Variants in SYNPO2L observed in about 807,000 individuals in gnomAD.
The protein encoded by SYNPO2L is synaptopodin 2-like protein.
A neutral mutation model predicts 47.5 loss-of-function variants in SYNPO2L; 34 were observed. The ratio of observed to expected loss-of-function variants is 0.72; its 90% CI spans 0.54 to 0.95. The LOEUF is 0.95. Among genes scored for constraint, SYNPO2L ranks in the 40% least tolerant of loss-of-function variants. The probability of loss-of-function intolerance (pLI) is 0.00; values close to 1 mark genes in which losing one functional copy is unlikely to be tolerated. For missense variants in SYNPO2L, 1,246 were observed against 1,282.0 expected (o/e 0.97, Z 0.43); for synonymous variants, 536 against 524.9 (o/e 1.02, Z -0.29).
At position 73,648,231 on chromosome 10, in the gene SYNPO2L, C is replaced by A; in HGVS notation, c.1421G>T (p.Gly474Val). 6.3e-7 allele frequency: 1 copy of A among 1,586,174 alleles called. No individual in the cohort carries two copies. Among genetic ancestry groups the A allele is most frequent in the Non-Finnish European group, 8.6e-7 (1 of 1,168,960 alleles). Residue 474 changes from glycine to valine, a missense_variant, in exon 4 of 4, where the codon GGC (glycine) becomes GTC (valine). By Grantham distance (109) the Gly-to-Val change is moderately radical. Around this residue, in one of 3 missense-constraint regions of SYNPO2L, gnomAD observed 1,037 missense variants for 1,021.5 expected, o/e 1.02. Transcript: ENST00000394810. ...GGTAGTTGGCCGCTGCCCTTGTAGG[C>A]CCGGGGTAAAGGGCCTGGCTGACCG... ...FNRSARPFTPGLQGQRPTTTS... is the reference protein window; with the variant it reads ...FNRSARPFTPVLQGQRPTTTS...
chr10:73,651,016 A>G (rs1191948536), intron 3 of SYNPO2L: 1 of 1,611,944 alleles, frequency 6.2e-7, no homozygotes, highest in Non-Finnish European at 8.5e-7. Flanking sequence ...ATGCTGAGAA[A>G]GGCGGTGTTG....
At chr10:73,654,089 G>A (rs760994480) in intron 2 of SYNPO2L, 40 bp downstream of exon 2, 29 of 1,541,730 alleles carry the variant, frequency 1.9e-5, no homozygotes, top group Non-Finnish European at 2.1e-5. Flanking sequence ...GGCAATGGGA[G>A]CCCTGGATTA....
intron 3 of SYNPO2L, chr10:73,649,652 C>T: frequency 2.2e-6 from 2 of 914,890 alleles, no homozygotes; most frequent in Non-Finnish European, 2.6e-6. Context: ...AACACCATCA[C>T]TCAAATACAT....
At chr10:73,653,993 C>T in intron 2 of SYNPO2L, 136 bp downstream of exon 2, 3 of 1,172,502 alleles carry the variant, frequency 2.6e-6, no homozygotes, top group Non-Finnish European at 3.6e-6. Context: ...AGACACAAAC[C>T]ATCTGCACTC....
In SYNPO2L at chr10:73,648,169, C is replaced by T. The variant is rs200938828; in HGVS notation, c.1483G>A (p.Ala495Thr). 16 of 1,556,582 alleles carry T rather than the reference C, an allele frequency of 1.0e-5. No individual in the cohort carries two copies. In the African/African-American group the frequency reaches 1.5e-4, roughly 14 times the overall value. ...CTGAGGCCCCCCAGGCTGTCGTTCGCCCTTTTGGGGGCTAAAGGCCGGAAA... is the reference window on the plus strand; with the variant it reads ...CTGAGGCCCCCCAGGCTGTCGTTCGTCCTTTTGGGGGCTAAAGGCCGGAAA... The part of the protein sequence containing the change: ...VIFRPLAPKR[A>T]NDSLGGLSPA... The change falls in exon 4 of 4, where the codon GCG (alanine) becomes ACG (threonine). Residue 495 changes from alanine (A) to threonine (T), a missense_variant. Ala to Thr is a moderately conservative substitution (Grantham distance 58). This residue lies in a region of SYNPO2L where 1,037 missense variants were observed against 1,021.5 expected (regional missense o/e 1.02). Coordinates refer to ENST00000394810, the MANE Select transcript of SYNPO2L (RefSeq NM_001114133.3).
At position 73,646,667 on chromosome 10, in the gene SYNPO2L, C is replaced by T. The variant is rs529926811; in HGVS notation, c.*51G>A. 1.4e-6 allele frequency: 2 copies of T among 1,407,388 alleles called. No homozygotes were observed. Among genetic ancestry groups the T allele is most frequent in the East Asian group, 2.5e-5 (1 of 39,874 alleles). 87.2% of individuals were successfully genotyped at this position (1,407,388 alleles called of 1,614,324 possible). ...GGATGGGATAGGGTAGGAGAAGCAA[C>T]TTTAGGAACTGGATGTTCCACCTCT... On this transcript the variant is annotated 3_prime_UTR_variant, in exon 4 of 4. Coordinates refer to ENST00000394810, the MANE Select transcript of SYNPO2L (RefSeq NM_001114133.3).
In SYNPO2L at chr10:73,648,750, C is replaced by G. The variant is rs758555446; in HGVS notation, c.902G>C (p.Arg301Pro). The G allele has an allele frequency of 6.8e-6, 11 of 1,612,162 alleles. No individual in the cohort carries two copies. The highest frequency in any genetic ancestry group is 1.3e-5 in the African/African-American group (1 of 74,904). The change falls in exon 4 of 4, where the codon CGG (arginine) becomes CCG (proline). Residue 301 changes from arginine to proline, a missense_variant. By Grantham distance (103) the Arg-to-Pro change is moderately radical (BLOSUM62 -2). Coordinates refer to ENST00000394810, the MANE Select transcript of SYNPO2L (RefSeq NM_001114133.3). Reference protein sequence around the residue: ...HSKGVLMFKKRRQRAKKYTLV... With the variant: ...HSKGVLMFKKPRQRAKKYTLV... ...GGTGTACTTCTTGGCTCTCTGCCGC[C>G]GTTTCTTAAACATAAGTACCCCTTT...
Position 73,645,721 on chromosome 10 carries a change from C to T in SYNPO2L, c.*997G>A, listed in dbSNP as rs1036193209. On this transcript the variant is annotated 3_prime_UTR_variant, in exon 4 of 4. Transcript: ENST00000394810. ...CTGTACACCTGCTACAGACATTGGT[C>T]TCTAAGGAGTTATTCTCTAGTGAAT... 22 of 985,874 alleles carry T rather than the reference C, an allele frequency of 2.2e-5. No individual in the cohort carries two copies. The African/African-American group carries it at 3.5e-4, about 16-fold the overall frequency. 61.1% of individuals were successfully genotyped at this position (985,874 alleles called of 1,614,324 possible).
At chr10:73,651,052 C>T in intron 3 of SYNPO2L, 2 of 1,567,672 alleles carry the variant, frequency 1.3e-6, no homozygotes, top group African/African-American at 1.4e-5. Context: ...GCTTGAGCCA[C>T]CCCCCACGCC....
rs750341706 is a variant in SYNPO2L at position 73,647,066 on chromosome 10, G to A, written c.2586C>T (p.Phe862=). 5.6e-5 allele frequency: 90 copies of A among 1,613,872 alleles called. No homozygotes were observed. Among genetic ancestry groups the A allele is most frequent in the Non-Finnish European group, 7.5e-5 (88 of 1,180,004 alleles). ...HQPYQLKTAM[F]CFDEVPPTPG... is the part of the protein sequence containing the mutation. ...GAGTCGGGGGAACCTCATCAAAACA[G>A]AACATGGCAGTTTTAAGTTGATAGG... Residue 862 remains phenylalanine, a synonymous_variant, in exon 4 of 4, where the codon TTC becomes TTT. Coordinates refer to ENST00000394810, the MANE Select transcript of SYNPO2L (RefSeq NM_001114133.3).
In SYNPO2L at chr10:73,647,336, A is replaced by T. The variant is rs2081769540; in HGVS notation, c.2316T>A (p.Tyr772Ter). 1 of 1,613,956 alleles carries T rather than the reference A, an allele frequency of 6.2e-7. No homozygotes were observed. The highest frequency in any genetic ancestry group is 1.3e-5 in the African/African-American group (1 of 74,866). ...CAGGACCAGGTGTACCTTCCACCAC[A>T]TACCTGTCCGCACGGCTCTGCCGCT... Reference protein sequence around the residue: ...FAKRQSRADRYVVEGTPGPGL... With the variant: ...FAKRQSRADR The change falls in exon 4 of 4, where the codon TAT becomes TAA. Residue 772 changes from tyrosine (Y) to a stop codon, truncating the protein, a stop_gained. Coordinates refer to ENST00000394810, the MANE Select transcript of SYNPO2L (RefSeq NM_001114133.3). LOFTEE classifies it high-confidence loss of function.
In SYNPO2L at chr10:73,646,154, C is replaced by T. The variant is rs2081745427; in HGVS notation, c.*564G>A. On this transcript the variant is annotated 3_prime_UTR_variant, in exon 4 of 4. Coordinates refer to ENST00000394810, the MANE Select transcript of SYNPO2L (RefSeq NM_001114133.3). ...TTGGGTCTTTATTTTGACCTCCCCT[C>T]TTATTCATGCCTTAGACGGAAGAGC... 2 of 984,540 alleles carry T rather than the reference C, an allele frequency of 2.0e-6. No homozygotes were observed. Among genetic ancestry groups the T allele is most frequent in the Non-Finnish European group, 2.4e-6 (2 of 830,832 alleles). 61.0% of individuals were successfully genotyped at this position (984,540 alleles called of 1,614,324 possible).
Position 73,653,289 on chromosome 10 carries a change from C to T in SYNPO2L, c.622G>A (p.Ala208Thr). Residue 208 changes from alanine to threonine, a missense_variant, in exon 3 of 4, where the codon GCA becomes ACA. This residue lies in a region of SYNPO2L where 1,037 missense variants were observed against 1,021.5 expected (regional missense o/e 1.02). Coordinates refer to ENST00000394810, the MANE Select transcript of SYNPO2L (RefSeq NM_001114133.3). ...TCAGCTGGGGGTGGCTGAAGGGCTG[C>T]CCCATCCTCCCAAGACGGGGAGCTC... ...RVSSPSWEDG[A>T]ALQPPPAEAL... The T allele has an allele frequency of 1.3e-6, 2 of 1,551,056 alleles. No individual in the cohort carries two copies. The highest frequency in any genetic ancestry group is 1.7e-6 in the Non-Finnish European group (2 of 1,146,738).
chr10:73,650,589 T>C (rs1298239956), intron 3 of SYNPO2L: 1 of 720,488 alleles, frequency 1.4e-6, no homozygotes, highest in Non-Finnish European at 1.7e-6. Context: ...TATACTTTCT[T>C]GATATATATG....
Position 73,648,653 on chromosome 10 carries a change from G to A in SYNPO2L, c.999C>T (p.Ser333=), listed in dbSNP as rs370876527. ...EEDGVPPTSE[S]ELDEEAFSDA... ...CAGAGAAGGCTTCTTCGTCCAGCTC[G>A]GACTCACTCGTGGGGGGAACGCCGT... Residue 333 remains serine (S), a synonymous_variant, in exon 4 of 4, where the codon TCC becomes TCT. Transcript: ENST00000394810. 13 of 1,612,362 alleles carry A rather than the reference G, an allele frequency of 8.1e-6. No individual in the cohort carries two copies. Among genetic ancestry groups the A allele is most frequent in the Admixed American group, 1.7e-5 (1 of 59,974 alleles).
intron 3 of SYNPO2L, chr10:73,650,027 G>C: frequency 4.1e-6 from 4 of 985,416 alleles, no homozygotes; most frequent in Non-Finnish European, 4.8e-6. Context: ...AAGACTATGT[G>C]CTAAAGGGAA....
At chr10:73,654,839 CA>C (rs113157490) in intron 1 of SYNPO2L, among the ~76,000 whole-genome samples, 11 of 147,310 alleles carry the variant, frequency 7.5e-5, no homozygotes, top group Non-Finnish European at 9.0e-5. Flanking sequence ...GACTCTGTCG[CA>C]AAAAAAAAGA....
rs2081734375 is a variant in SYNPO2L, at chr10:73,645,248, C to T, written c.*1470G>A. On this transcript the variant is annotated 3_prime_UTR_variant, in exon 4 of 4. Transcript: ENST00000394810. ...CACCCTCACACCTCCCTTCCACCAT[C>T]ATTCCCTTCCATTCTAACATTCTTC... is the stretch of plus-strand genomic sequence containing the variant. The T allele has an allele frequency of 3.6e-6, 4 of 1,100,184 alleles. No individual in the cohort carries two copies. The highest frequency in any genetic ancestry group is 4.5e-6 in the Non-Finnish European group (4 of 892,188). 68.2% of individuals were successfully genotyped at this position (1,100,184 alleles called of 1,614,324 possible).
chr10:73,654,984 A>G (rs2081867827), intron 1 of SYNPO2L, among the ~76,000 whole-genome samples: 1 of 152,354 alleles, frequency 6.6e-6, no homozygotes, highest in South Asian at 2.1e-4. Flanking sequence ...ATTTTAGAAC[A>G]GTACTCCAGG....
Sources: allele counts gnomAD v4.1 joint callset (sites outside exome capture counted in the v4.1 genomes callset), GRCh38; gene constraint gnomAD v4.1.1; regional missense constraint gnomAD v4.1.1; transcripts MANE v1.5; gene names NCBI Gene and HGNC (gene_info 2026-07-23, HGNC 2026-07-21).